MLKL: variants seen among roughly 807,000 people sequenced by gnomAD.
The protein encoded by MLKL is mixed lineage kinase domain like pseudokinase.
MLKL carries 55 observed loss-of-function variants against 56.5 expected under a neutral mutation model. That is an observed-to-expected ratio of 0.97 (90% CI 0.78 to 1.22). The LOEUF is 1.22. Ranked by LOEUF, MLKL falls within the 50% of genes most tolerant of loss-of-function variation. The probability of loss-of-function intolerance (pLI) is 0.00; values close to 1 mark genes in which losing one functional copy is unlikely to be tolerated. For missense variants in MLKL, 694 were observed against 573.9 expected, an observed-to-expected ratio of 1.21 and a Z score of -2.14; for synonymous variants, 251 against 208.3, an observed-to-expected ratio of 1.20 and a Z score of -1.76.
At chr16:74,691,187 C>G in intron 4 of MLKL, 90 bp downstream of exon 4, 1 of 1,274,088 alleles carries the variant, frequency 7.8e-7, no homozygotes, top group Non-Finnish European at 1.1e-6. Flanking sequence ...CCCAGGCTTC[C>G]TCATCTAAAA....
At position 74,683,305 on chromosome 16, in the gene MLKL, A is replaced by G. The variant is rs556706943; in HGVS notation, c.821-519T>C. Among the ~76,000 whole-genome samples, 3 of 151,318 alleles carry G rather than the reference A, an allele frequency of 2.0e-5. No individual in the cohort carries two copies. In the South Asian group the frequency reaches 6.3e-4, roughly 32 times the overall value. ...GACACTACATCTCAAAAAAAAAAAA[A>G]AAATGTTCTGCCAGGTGTGGTGACT... On this transcript the variant is annotated intron_variant, in intron 5 of 10. Coordinates refer to ENST00000308807, the MANE Select transcript of MLKL (RefSeq NM_152649.4).
intron 4 of MLKL, among the ~76,000 whole-genome samples, chr16:74,686,518 G>A (rs1210895472): frequency 1.3e-5 from 2 of 152,110 alleles, no homozygotes; most frequent in African/African-American, 4.8e-5. Flanking sequence ...AGGAGGTGGA[G>A]CTTGCAGTGA....
intron 3 of MLKL, 76 bp from the exon 4 acceptor site, chr16:74,691,539 T>C (rs1322385104): frequency 1.4e-6 from 2 of 1,470,968 alleles, no homozygotes; most frequent in Middle Eastern, 2.4e-4. Context: ...AGGTGGCATA[T>C]TTGTGATGTG....
At chr16:74,680,044 C>A (rs1037070268) in intron 6 of MLKL, among the ~76,000 whole-genome samples, 11 of 152,110 alleles carry the variant, frequency 7.2e-5, no homozygotes, top group Admixed American at 3.9e-4. Context: ...ATACTTACAC[C>A]AGTCAGTGGT....
chr16:74,688,015 C>CG (rs533920743), intron 4 of MLKL, among the ~76,000 whole-genome samples: 3,727 of 152,226 alleles, frequency 0.024, 65 homozygotes, highest in Middle Eastern at 0.048. Context: ...TTAGTAGAGA[C>CG]GGGTTTCACC....
chr16:74,679,609 A>G (rs1299292445), intron 6 of MLKL, among the ~76,000 whole-genome samples: 5 of 152,186 alleles, frequency 3.3e-5, no homozygotes. Flanking sequence ...GGAGTTTGAG[A>G]CCAGCTTCGC....
At chr16:74,672,640 T>G (rs1277146751) in intron 10 of MLKL, 102 bp from the exon 11 acceptor site, 3 of 1,073,854 alleles carry the variant, frequency 2.8e-6, no homozygotes, top group Non-Finnish European at 4.3e-6. Context: ...AGAAACTGCA[T>G]TCCCCCTGGT....
intron 3 of MLKL, 54 bp from the exon 4 acceptor site, chr16:74,691,517 G>C (rs1960678950): frequency 6.5e-7 from 1 of 1,549,482 alleles, no homozygotes; most frequent in African/African-American, 1.4e-5. Context: ...GCAGAGGAAG[G>C]GGTCCTAAGG....
chr16:74,695,783 G>C (rs1347792608), intron 1 of MLKL, 24 bp from the exon 2 acceptor site: 1 of 1,556,260 alleles, frequency 6.4e-7, no homozygotes, highest in Non-Finnish European at 8.7e-7. Context: ...ATGGAATTTG[G>C]TGAAATCCCC....
chr16:74,694,590 C>A (rs1960908289), intron 2 of MLKL, among the ~76,000 whole-genome samples: 1 of 152,086 alleles, frequency 6.6e-6, no homozygotes, highest in Non-Finnish European at 1.5e-5. Flanking sequence ...CATAGTGAGA[C>A]TCTCTAACTA....
chr16:74,687,267 C>T (rs946955890), intron 4 of MLKL, among the ~76,000 whole-genome samples: 4 of 152,184 alleles, frequency 2.6e-5, no homozygotes, highest in African/African-American at 9.7e-5. Flanking sequence ...TAACTCACTG[C>T]ACCCAGCAAG....
intron 1 of MLKL, among the ~76,000 whole-genome samples, chr16:74,696,025 C>T (rs993308754): frequency 1.3e-5 from 2 of 152,208 alleles, no homozygotes; most frequent in Non-Finnish European, 2.9e-5. Flanking sequence ...GACTAGTTCT[C>T]ACCAATGGGG....
At chr16:74,682,201 T>A (rs1436641671) in intron 6 of MLKL, among the ~76,000 whole-genome samples, 3 of 152,122 alleles carry the variant, frequency 2.0e-5, no homozygotes, top group Non-Finnish European at 2.9e-5. Flanking sequence ...TGATCTGTGA[T>A]CATATCAGTG....
intron 2 of MLKL, among the ~76,000 whole-genome samples, chr16:74,694,856 T>TTG (rs1555534594): frequency 6.6e-6 from 1 of 150,810 alleles, no homozygotes; most frequent in African/African-American, 2.5e-5. Flanking sequence ...ATGTTAGGAG[T>TTG]TTTGTTTGTT....
intron 5 of MLKL, among the ~76,000 whole-genome samples, chr16:74,684,907 C>G (rs527352327): frequency 1.6e-4 from 25 of 151,888 alleles, no homozygotes; most frequent in Non-Finnish European, 3.4e-4. Flanking sequence ...CTCTGTTGCC[C>G]AGGCTGGAAT....
At position 74,674,960 on chromosome 16, in the gene MLKL, C is replaced by A. The variant is rs146795832; in HGVS notation, c.1381G>T (p.Glu461Ter). The part of the protein sequence containing the change: ...HDPSVRPSVD[E>*]ILKKLSTFSK ...CTCTTTACACCAGAAAGAACCCTACCATCCACAGAGGGCCGCACAGAGGGA... is the reference window on the plus strand; with the variant it reads ...CTCTTTACACCAGAAAGAACCCTACAATCCACAGAGGGCCGCACAGAGGGA... The change falls in exon 10 of 11, where the codon GAA (glutamate) becomes TAA (stop). Residue 461 changes from glutamate (E) to a stop codon, truncating the protein, a stop_gained and splice_region_variant. Transcript: ENST00000308807. LOFTEE classifies it high-confidence loss of function. The A allele has an allele frequency of 6.8e-6, 11 of 1,612,842 alleles. No individual in the cohort carries two copies. The highest frequency in any genetic ancestry group is 1.7e-4 in the Middle Eastern group (1 of 6,046).
intron 2 of MLKL, among the ~76,000 whole-genome samples, 197 bp downstream of exon 2, chr16:74,695,101 T>C (rs1960946563): frequency 6.6e-6 from 1 of 152,196 alleles, no homozygotes; most frequent in African/African-American, 2.4e-5. Flanking sequence ...CTCAGTCTCC[T>C]GACCTAGTGA....
intron 8 of MLKL, 87 bp downstream of exon 8, chr16:74,675,526 G>T: frequency 6.4e-7 from 1 of 1,568,488 alleles, no homozygotes; most frequent in Non-Finnish European, 8.7e-7. Context: ...CAACAGAGTT[G>T]AGTTTAGGTG....
chr16:74,692,352 A>G lies in MLKL; in HGVS notation c.525T>C (p.Thr175=). 1 of 1,613,616 alleles carries G rather than the reference A, an allele frequency of 6.2e-7. No homozygotes were observed. The highest frequency in any genetic ancestry group is 1.1e-5 in the South Asian group (1 of 90,850). ...CACATGATAACTTACACTGCCTCAA[A>G]GTTTCCTTGATTTCTTTCATGTTGA... ...LEINMKEIKE[T]LRQYLPPKCM... Residue 175 remains threonine (T), a synonymous_variant, in exon 3 of 11, where the codon ACT becomes ACC. Coordinates refer to ENST00000308807, the MANE Select transcript of MLKL (RefSeq NM_152649.4).
Sources: allele counts gnomAD v4.1 joint callset (sites outside exome capture counted in the v4.1 genomes callset), GRCh38; gene constraint gnomAD v4.1.1; transcripts MANE v1.5; gene names NCBI Gene and HGNC (gene_info 2026-07-23, HGNC 2026-07-21).